Variants in NECAB1 observed in about 807,000 individuals in gnomAD.
NECAB1 encodes N-terminal EF-hand calcium binding protein 1.
A neutral mutation model predicts 57.5 loss-of-function variants in NECAB1; 29 were observed. The ratio of observed to expected loss-of-function variants is 0.50; its 90% CI spans 0.38 to 0.69. NECAB1 has a LOEUF of 0.69. NECAB1 is among the 30% of genes least tolerant of loss of function. The probability of loss-of-function intolerance (pLI) is 0.00; values close to 1 mark genes in which losing one functional copy is unlikely to be tolerated. For synonymous variants in NECAB1, 142 were observed against 147.7 expected, an observed-to-expected ratio of 0.96 and a Z score of 0.28; for missense variants, 372 against 413.8, an observed-to-expected ratio of 0.90 and a Z score of 0.88.
At chr8:90,834,260 G>GT (rs1176666213) in intron 3 of NECAB1, among the ~76,000 whole-genome samples, 4 of 151,772 alleles carry the variant, frequency 2.6e-5, no homozygotes, top group African/African-American at 4.8e-5. Context: ...TGAAGTGCAG[G>GT]TTTTTTCAAG....
At chr8:90,952,572 C>T (rs1157321515) in intron 12 of NECAB1, among the ~76,000 whole-genome samples, 17 of 151,756 alleles carry the variant, frequency 1.1e-4, no homozygotes, top group Non-Finnish European at 1.5e-5. Context: ...AGGCCAGGAG[C>T]TCGAAACCAG....
chr8:90,838,451 G>T (rs72662574), intron 3 of NECAB1, among the ~76,000 whole-genome samples: 3 of 152,314 alleles, frequency 2.0e-5, no homozygotes, highest in Non-Finnish European at 4.4e-5. Context: ...ACTTACTCCA[G>T]TTCAGGGTTG....
chr8:90,792,690 C>T (rs1341754534), intron 1 of NECAB1, among the ~76,000 whole-genome samples: 1 of 152,192 alleles, frequency 6.6e-6, no homozygotes, highest in East Asian at 1.9e-4. Context: ...TTACTCTGAT[C>T]TGATTACATC....
intron 5 of NECAB1, among the ~76,000 whole-genome samples, chr8:90,909,375 G>A (rs530838280): frequency 8.1e-4 from 118 of 145,190 alleles, no homozygotes; most frequent in African/African-American, 2.7e-3. Context: ...AGGCCTCTAC[G>A]AAAAAAAAAA....
chr8:90,872,354 A>C, intron 4 of NECAB1: 1 of 475,102 alleles, frequency 2.1e-6, no homozygotes. Context: ...GTTGGGCCTC[A>C]TTAGTTCGTT....
chr8:90,940,561 A>G, intron 9 of NECAB1: 1 of 474,132 alleles, frequency 2.1e-6, no homozygotes, highest in Non-Finnish European at 3.8e-6. Flanking sequence ...ACGTCATTGT[A>G]AAGAACACGT....
At chr8:90,865,628 T>C (rs1808498176) in intron 3 of NECAB1, among the ~76,000 whole-genome samples, 1 of 152,196 alleles carries the variant, frequency 6.6e-6, no homozygotes, top group Non-Finnish European at 1.5e-5. Context: ...TCTCCACTTC[T>C]ACCCTGGTAT....
intron 1 of NECAB1, among the ~76,000 whole-genome samples, chr8:90,798,198 T>C (rs769001094): frequency 3.3e-4 from 50 of 152,236 alleles, no homozygotes; most frequent in Admixed American, 7.9e-4. Flanking sequence ...TTTCTCTCCT[T>C]GTAAGATGCC....
intron 5 of NECAB1, among the ~76,000 whole-genome samples, chr8:90,883,797 T>C (rs1189606820): frequency 6.6e-6 from 1 of 152,166 alleles, no homozygotes; most frequent in African/African-American, 2.4e-5. Flanking sequence ...GAACCCTCTG[T>C]CTGAATTTGG....
chr8:90,917,870 A>ATATATATATATATATGTGTG lies in NECAB1; in HGVS notation c.494+243_494+244insATATATATATATATGTGTGT, dbSNP rs1554575432. ...TATATATATATATATATATATATAT[A>ATATATATATATATATGTGTG]TGTGTGTGTGTGCGTGTATATATAT... On this transcript the variant is annotated intron_variant, in intron 6 of 12. Transcript: ENST00000417640. 4.2e-3 allele frequency among the ~76,000 whole-genome samples: 268 copies of ATATATATATATATATGTGTG among 64,218 alleles called. 9 individuals are homozygous for ATATATATATATATATGTGTG. The highest frequency in any genetic ancestry group is 0.013 in the African/African-American group (126 of 9,532). 42.1% of individuals were successfully genotyped at this position (64,218 alleles called of 152,430 possible).
intron 10 of NECAB1, among the ~76,000 whole-genome samples, chr8:90,942,727 C>T (rs1810702266): frequency 6.6e-6 from 1 of 152,176 alleles, no homozygotes; most frequent in South Asian, 2.1e-4. Context: ...ACTAAAAATA[C>T]AAAAATTAGC....
At position 90,792,005 on chromosome 8, in the gene NECAB1, G is replaced by A. The variant is rs759055276; in HGVS notation, c.99+20G>A. The A allele has an allele frequency of 1.9e-5, 29 of 1,544,580 alleles. No individual in the cohort carries two copies. In the Admixed American group the frequency reaches 5.3e-4, roughly 28 times the overall value. ...CTCGACGTAAGTACAGATGGTGGGA[G>A]CTGGGCGGTTGCTTCCCAGCACCTT... On this transcript the variant is annotated intron_variant, in intron 1 of 12. Transcript: ENST00000417640.
intron 5 of NECAB1, among the ~76,000 whole-genome samples, chr8:90,900,728 C>A (rs1809481046): frequency 6.6e-6 from 1 of 152,138 alleles, no homozygotes; most frequent in South Asian, 2.1e-4. Context: ...AATCTAAGCC[C>A]CTGATTAAAA....
rs59311652 is a variant in NECAB1, at chr8:90,949,146, TTGTGTGTGTGTGTG to T, written c.861-623_861-610del. 2.8e-3 allele frequency among the ~76,000 whole-genome samples: 365 copies of T among 129,968 alleles called. 2 individuals are homozygous for T. The highest frequency in any genetic ancestry group is 0.023 in the Middle Eastern group (6 of 260). The allele number at this position is 129,968 out of a possible 152,430, so 85.3% of individuals were successfully genotyped here. ...ACTTCATCCAGAGACAACAGGCACT[TTGTGTGTGTGTGTG>T]TGTGTGTGTGTGTGTGTGTGTGTGT... On this transcript the variant is annotated intron_variant, in intron 10 of 12. Transcript: ENST00000417640.
At chr8:90,848,953 A>G (rs1192050693) in intron 3 of NECAB1, among the ~76,000 whole-genome samples, 1 of 152,190 alleles carries the variant, frequency 6.6e-6, no homozygotes. Flanking sequence ...CTCCATCTCA[A>G]TCAATCAATA....
intron 1 of NECAB1, among the ~76,000 whole-genome samples, chr8:90,793,703 A>G (rs1811614401): frequency 2.0e-5 from 3 of 152,198 alleles, no homozygotes; most frequent in South Asian, 4.1e-4. Context: ...TGGGGCCTCC[A>G]TTCATTCTGA....
intron 2 of NECAB1, among the ~76,000 whole-genome samples, chr8:90,803,316 A>C (rs186717545): frequency 6.6e-6 from 1 of 152,176 alleles, no homozygotes; most frequent in East Asian, 1.9e-4. Context: ...TGAATAGCCC[A>C]CCTGTCTCTA....
intron 9 of NECAB1, among the ~76,000 whole-genome samples, chr8:90,938,159 C>G (rs965442351): frequency 6.6e-6 from 1 of 152,196 alleles, no homozygotes; most frequent in African/African-American, 2.4e-5. Context: ...GCAACAAAAT[C>G]TCATGTCACT....
At chr8:90,851,355 G>A (rs1812679028) in intron 3 of NECAB1, among the ~76,000 whole-genome samples, 4 of 152,170 alleles carry the variant, frequency 2.6e-5, no homozygotes, top group African/African-American at 9.7e-5. Context: ...GACAGAAGTT[G>A]TGGGAAACCT....
Sources: allele counts gnomAD v4.1 joint callset (sites outside exome capture counted in the v4.1 genomes callset), GRCh38; gene constraint gnomAD v4.1.1; transcripts MANE v1.5; gene names NCBI Gene and HGNC (gene_info 2026-07-23, HGNC 2026-07-21).